Variants in IL1RAPL1 observed in about 807,000 individuals in gnomAD.
IL1RAPL1 encodes interleukin-1 receptor accessory protein-like 1.
A neutral mutation model predicts 48.4 loss-of-function variants in IL1RAPL1; 3 were observed. The ratio of observed to expected loss-of-function variants is 0.06; its 90% CI spans 0.03 to 0.16. IL1RAPL1 has a LOEUF of 0.16. Ranked by LOEUF, IL1RAPL1 falls within the 10% of genes least tolerant of loss-of-function variation. IL1RAPL1 has a pLI of 1.00. For missense variants in IL1RAPL1, 349 were observed against 530.6 expected, an observed-to-expected ratio of 0.66 and a Z score of 3.36; for synonymous variants, 185 against 187.7, an observed-to-expected ratio of 0.99 and a Z score of 0.12.
intron 5 of IL1RAPL1, among the ~76,000 whole-genome samples, chrX:29,460,453 C>G (rs1205455481): frequency 1.8e-5 from 2 of 111,955 alleles, no homozygotes; most frequent in Non-Finnish European, 3.8e-5. Context: ...ACTATTGTAT[C>G]CCACTATGTC....
chrX:29,050,827 G>A (rs915650110), intron 2 of IL1RAPL1, among the ~76,000 whole-genome samples: 28 of 112,057 alleles, frequency 2.5e-4, no homozygotes, highest in African/African-American at 7.5e-4. Context: ...TTTGTCAGGA[G>A]AAAGTGCTCA....
At chrX:29,900,457 A>C (rs925169728) in intron 6 of IL1RAPL1, among the ~76,000 whole-genome samples, 10 of 112,142 alleles carry the variant, frequency 8.9e-5, no homozygotes, top group African/African-American at 2.9e-4. Context: ...ATTTGAATTG[A>C]ACCTTCCATT....
At chrX:28,824,152 C>T (rs1321384458) in intron 2 of IL1RAPL1, among the ~76,000 whole-genome samples, 1 of 111,537 alleles carries the variant, frequency 9.0e-6, no homozygotes, top group Non-Finnish European at 1.9e-5. Flanking sequence ...TTTACCTACA[C>T]CTCAATTTAA....
Position 28,748,909 on chromosome X carries a change from A to G in IL1RAPL1, c.-24-40411A>G, listed in dbSNP as rs894208440. On this transcript the variant is annotated intron_variant, in intron 1 of 10. Coordinates refer to ENST00000378993, the MANE Select transcript of IL1RAPL1 (RefSeq NM_014271.4). ...TCCTCTTACCAAATAGTAACTTTGC[A>G]CTCATTGACCAACTTCTCTCCTTCC... Among the ~76,000 whole-genome samples, 6 of 111,054 alleles carry G rather than the reference A, an allele frequency of 5.4e-5. No individual in the cohort carries two copies. The Admixed American group carries it at 5.8e-4, about 11-fold the overall frequency.
intron 2 of IL1RAPL1, among the ~76,000 whole-genome samples, chrX:28,805,162 G>C (rs1367703648): frequency 2.7e-5 from 3 of 110,740 alleles, no homozygotes; most frequent in African/African-American, 9.8e-5. Context: ...AACTGAGCCA[G>C]TAACAGCAGG....
At chrX:29,166,375 T>G (rs1929785858) in intron 2 of IL1RAPL1, among the ~76,000 whole-genome samples, 2 of 112,118 alleles carry the variant, frequency 1.8e-5, no homozygotes, top group Admixed American at 1.9e-4. Context: ...AATAGTCCAT[T>G]GACTTTAATT....
chrX:29,908,686 T>A (rs896715190), intron 6 of IL1RAPL1, among the ~76,000 whole-genome samples: 4 of 112,114 alleles, frequency 3.6e-5, no homozygotes, highest in Non-Finnish European at 5.6e-5. Flanking sequence ...AAGAATGTTA[T>A]ATCAAAAGGA....
intron 1 of IL1RAPL1, among the ~76,000 whole-genome samples, chrX:28,605,202 A>G (rs1314427406): frequency 8.9e-6 from 1 of 112,029 alleles, no homozygotes; most frequent in African/African-American, 3.2e-5. Flanking sequence ...TCTTAAATTT[A>G]TATCTACCTT....
intron 6 of IL1RAPL1, among the ~76,000 whole-genome samples, chrX:29,768,343 A>G (rs1358140124): frequency 8.9e-6 from 1 of 111,847 alleles, no homozygotes; most frequent in Non-Finnish European, 1.9e-5. Context: ...TGAATGCACA[A>G]TGAGCCCAGT....
intron 2 of IL1RAPL1, among the ~76,000 whole-genome samples, chrX:29,253,142 A>T: frequency 9.0e-6 from 1 of 111,295 alleles, no homozygotes; most frequent in Admixed American, 9.7e-5. Context: ...TAATGTTTAT[A>T]AAAATAGATA....
chrX:29,294,421 G>C (rs1569278944), intron 3 of IL1RAPL1, among the ~76,000 whole-genome samples: 1 of 108,027 alleles, frequency 9.3e-6, no homozygotes, highest in South Asian at 4.1e-4. Context: ...CCAGCTACTC[G>C]GGAGGCTGAG....
At position 28,998,268 on chromosome X, in the gene IL1RAPL1, G is replaced by GA. The variant is rs1003012720; in HGVS notation, c.82+208853dup. Among the ~76,000 whole-genome samples, 111 of 105,640 alleles carry GA rather than the reference G, an allele frequency of 1.1e-3. No homozygotes were observed. In the South Asian group the frequency reaches 0.021, roughly 20 times the overall value. The allele number at this position is 105,640 out of a possible 115,157, so 91.7% of individuals were successfully genotyped here. A position where few individuals can be genotyped will look rare whatever the true frequency, so the allele number is the denominator to read the frequency against. On this transcript the variant is annotated intron_variant, in intron 2 of 10. Coordinates refer to ENST00000378993, the MANE Select transcript of IL1RAPL1 (RefSeq NM_014271.4). ...AGAAATAACAACTGAGACTATTCAG[G>GA]AAAAAAAAAATGGCACTCTTCCAAA...
chrX:29,097,995 A>C (rs1928252259), intron 2 of IL1RAPL1, among the ~76,000 whole-genome samples: 1 of 111,987 alleles, frequency 8.9e-6, no homozygotes, highest in African/African-American at 3.2e-5. Context: ...GTCAAATGAA[A>C]GTTGAAAGTT....
At chrX:28,699,679 A>G (rs375196114) in intron 1 of IL1RAPL1, among the ~76,000 whole-genome samples, 7 of 111,639 alleles carry the variant, frequency 6.3e-5, no homozygotes, top group African/African-American at 2.3e-4. Context: ...TTGAAGCCTC[A>G]TCGTTGGAGA....
intron 8 of IL1RAPL1, among the ~76,000 whole-genome samples, chrX:29,923,567 A>G (rs769182000): frequency 8.9e-6 from 1 of 112,156 alleles, no homozygotes; most frequent in African/African-American, 3.2e-5. Flanking sequence ...CCTGGCTTCA[A>G]AAATAATAAT....
intron 2 of IL1RAPL1, among the ~76,000 whole-genome samples, chrX:29,104,281 T>C (rs1054190545): frequency 8.9e-6 from 1 of 112,101 alleles, no homozygotes; most frequent in Non-Finnish European, 1.9e-5. Flanking sequence ...AATGGAGTAC[T>C]ATTCAGCCAT....
chrX:28,912,013 C>T (rs184014378), intron 2 of IL1RAPL1, among the ~76,000 whole-genome samples: 39 of 103,276 alleles, frequency 3.8e-4, no homozygotes, highest in African/African-American at 1.3e-3. Flanking sequence ...AGTATGGTAA[C>T]AATAACATAC....
chrX:29,120,146 C>A (rs1022671279), intron 2 of IL1RAPL1, among the ~76,000 whole-genome samples: 8 of 111,857 alleles, frequency 7.2e-5, no homozygotes, highest in African/African-American at 1.9e-4. Flanking sequence ...TAGTTTAGTT[C>A]GGTCCTACTT....
intron 5 of IL1RAPL1, among the ~76,000 whole-genome samples, chrX:29,589,677 T>A (rs1923305007): frequency 9.0e-6 from 1 of 111,398 alleles, no homozygotes; most frequent in Admixed American, 9.6e-5. Context: ...CTATTATATA[T>A]TAATTAGTAG....
Sources: allele counts gnomAD v4.1 joint callset (sites outside exome capture counted in the v4.1 genomes callset), GRCh38; gene constraint gnomAD v4.1.1; transcripts MANE v1.5; gene names NCBI Gene and HGNC (gene_info 2026-07-23, HGNC 2026-07-21).